Variants in PCDH9 observed in about 807,000 individuals in gnomAD.
PCDH9 encodes the protein protocadherin-9.
Under a neutral mutation model 70.6 loss-of-function variants are expected in PCDH9, and 24 were observed. That is an observed-to-expected ratio of 0.34 (90% confidence interval 0.25 to 0.48). The LOEUF is 0.48. Among genes scored for constraint, PCDH9 ranks in the 20% least tolerant of loss-of-function variants. The pLI, the probability that PCDH9 is intolerant of heterozygous loss-of-function variation, is 0.99. For synonymous variants in PCDH9, 562 were observed against 558.5 expected, an observed-to-expected ratio of 1.01 and a Z score of -0.09; for missense variants, 1,281 against 1,503.6, an observed-to-expected ratio of 0.85 and a Z score of 2.45.
chr13:66,929,889 G>A lies in PCDH9; in HGVS notation c.3037-26284C>T, dbSNP rs528214732. Among the ~76,000 whole-genome samples, 3 of 152,252 alleles carry A rather than the reference G, an allele frequency of 2.0e-5. No individual in the cohort carries two copies. In the East Asian group the frequency reaches 5.8e-4, roughly 29 times the overall value. ...GTAAAATAAATAGAAAACTGAAAGA[G>A]ATATTGAGCTCTTCCAAGCTCTCCA... On this transcript the variant is annotated intron_variant, in intron 2 of 4. Coordinates refer to ENST00000377865, the MANE Select transcript of PCDH9 (RefSeq NM_203487.3).
At chr13:66,499,539 A>T (rs1959166211) in intron 4 of PCDH9, among the ~76,000 whole-genome samples, 1 of 152,212 alleles carries the variant, frequency 6.6e-6, no homozygotes, top group African/African-American at 2.4e-5. Flanking sequence ...GGAGGCATAT[A>T]TAAAAATCTC....
At chr13:66,334,810 ATATCT>A (rs1956008611) in intron 4 of PCDH9, among the ~76,000 whole-genome samples, 1 of 152,088 alleles carries the variant, frequency 6.6e-6, no homozygotes, top group African/African-American at 2.4e-5. Context: ...CTTTTGATTC[ATATCT>A]TATAAAGATC....
At chr13:67,160,792 T>C (rs568831587) in intron 2 of PCDH9, among the ~76,000 whole-genome samples, 1 of 152,290 alleles carries the variant, frequency 6.6e-6, no homozygotes, top group African/African-American at 2.4e-5. Flanking sequence ...CCATTTGTCT[T>C]ATGGAGGCAG....
chr13:66,864,262 G>A (rs1288564457), intron 3 of PCDH9, among the ~76,000 whole-genome samples: 1 of 152,050 alleles, frequency 6.6e-6, no homozygotes, highest in East Asian at 1.9e-4. Flanking sequence ...TGCATGGCAT[G>A]TCTCATTTTG....
Position 66,448,599 on chromosome 13 carries a change from A to T in PCDH9, c.3341-143571T>A, listed in dbSNP as rs1566333730. Reference sequence around the variant, plus strand: ...GTCTTTATAACATGTATAAAATCACATGCAGTTTTGATAATACCACATCAC... The same window carrying T: ...GTCTTTATAACATGTATAAAATCACTTGCAGTTTTGATAATACCACATCAC... On this transcript the variant is annotated intron_variant, in intron 4 of 4. Transcript: ENST00000377865. Among the ~76,000 whole-genome samples, 2 of 152,210 alleles carry T rather than the reference A, an allele frequency of 1.3e-5. 1 individual carries two copies. Among genetic ancestry groups the T allele is most frequent in the Non-Finnish European group, 2.9e-5 (2 of 68,034 alleles).
intron 3 of PCDH9, among the ~76,000 whole-genome samples, chr13:66,891,797 T>C (rs538880101): frequency 3.3e-5 from 5 of 152,098 alleles, no homozygotes. Flanking sequence ...TAATTCACTA[T>C]AAACTCTACA....
intron 4 of PCDH9, among the ~76,000 whole-genome samples, chr13:66,583,097 G>A (rs1379593733): frequency 1.4e-5 from 2 of 141,968 alleles, no homozygotes; most frequent in Non-Finnish European, 3.0e-5. Flanking sequence ...AATTGTATGT[G>A]CATGCTTTTT....
chr13:67,179,025 T>C (rs995100484), intron 2 of PCDH9, among the ~76,000 whole-genome samples: 8 of 152,126 alleles, frequency 5.3e-5, no homozygotes, highest in African/African-American at 1.9e-4. Flanking sequence ...AATATAAACT[T>C]GTGCATTTAT....
chr13:66,366,818 G>C (rs1018697189), intron 4 of PCDH9, among the ~76,000 whole-genome samples: 1 of 152,030 alleles, frequency 6.6e-6, no homozygotes, highest in Admixed American at 6.6e-5. Context: ...TATCTGGATA[G>C]TATATGTGAT....
chr13:67,193,332 AACACACACAC>A (rs71110637), intron 2 of PCDH9, among the ~76,000 whole-genome samples: 4 of 141,954 alleles, frequency 2.8e-5, no homozygotes, highest in African/African-American at 5.2e-5. Flanking sequence ...TGGAGATTAA[AACACACACAC>A]ACACACACAC....
chr13:66,474,952 G>T (rs1189583025), intron 4 of PCDH9, among the ~76,000 whole-genome samples: 1 of 152,086 alleles, frequency 6.6e-6, no homozygotes, highest in Non-Finnish European at 1.5e-5. Context: ...TTGACAGTGT[G>T]TCTACAGCTG....
chr13:66,651,437 A>G (rs1286911222), intron 3 of PCDH9, among the ~76,000 whole-genome samples: 1 of 152,008 alleles, frequency 6.6e-6, no homozygotes, highest in Non-Finnish European at 1.5e-5. Context: ...CATACAACCT[A>G]CAAAGATTGA....
chr13:66,619,627 C>T (rs530636955), intron 4 of PCDH9, among the ~76,000 whole-genome samples: 5 of 152,204 alleles, frequency 3.3e-5, no homozygotes, highest in Admixed American at 6.5e-5. Flanking sequence ...ATTAAGCCTG[C>T]ATTATATGCT....
chr13:66,689,923 C>T (rs544663026), intron 3 of PCDH9, among the ~76,000 whole-genome samples: 139 of 152,142 alleles, frequency 9.1e-4, no homozygotes, highest in Admixed American at 1.8e-3. Flanking sequence ...AAGACTATGC[C>T]TCGAGATATA....
chr13:66,819,773 C>G (rs1270498488), intron 3 of PCDH9, among the ~76,000 whole-genome samples: 1 of 152,070 alleles, frequency 6.6e-6, no homozygotes. Context: ...GCACCTGCCT[C>G]TGGTCCCAGC....
chr13:66,470,171 G>A (rs1594030995), intron 4 of PCDH9, among the ~76,000 whole-genome samples: 2 of 152,086 alleles, frequency 1.3e-5, no homozygotes. Flanking sequence ...AAAACAATAC[G>A]ACATGACCTT....
chr13:66,505,814 G>C (rs1959206343), intron 4 of PCDH9, among the ~76,000 whole-genome samples: 1 of 152,134 alleles, frequency 6.6e-6, no homozygotes, highest in Admixed American at 6.5e-5. Context: ...ATTTGGGTGG[G>C]GGCACAGCCA....
chr13:66,342,052 G>A lies in PCDH9; in HGVS notation c.3341-37024C>T, dbSNP rs139732143. Reference sequence around the variant, plus strand: ...GGACTGAGCATTCATGTTTTCATAAGTTCAAAGAGAGAAACTTGACATCAT... The same window carrying A: ...GGACTGAGCATTCATGTTTTCATAAATTCAAAGAGAGAAACTTGACATCAT... On this transcript the variant is annotated intron_variant, in intron 4 of 4. Transcript: ENST00000377865. Among the ~76,000 whole-genome samples, 10 of 152,280 alleles carry A rather than the reference G, an allele frequency of 6.6e-5. No individual in the cohort carries two copies. The East Asian group carries it at 1.9e-3, about 29-fold the overall frequency.
intron 4 of PCDH9, among the ~76,000 whole-genome samples, chr13:66,577,387 A>C (rs2076830607): frequency 6.6e-6 from 1 of 152,012 alleles, no homozygotes; most frequent in Non-Finnish European, 1.5e-5. Flanking sequence ...AAAGTGAATA[A>C]TAAGAGCATT....
Sources: gnomAD v4.1 joint callset for allele counts (sites outside exome capture counted in the v4.1 genomes callset) on GRCh38, gnomAD v4.1.1 for gene constraint, MANE v1.5 for transcripts, NCBI Gene and HGNC (gene_info 2026-07-23, HGNC 2026-07-21) for gene names.